Variants in H2BC13 observed in about 807,000 individuals in gnomAD.
The protein encoded by H2BC13 is H2B clustered histone 13, also known as histone H2B type 1-L.
A neutral mutation model predicts 6.3 loss-of-function variants in H2BC13; 12 were observed. The ratio of observed to expected loss-of-function variants is 1.90; its 90% CI spans 1.22 to 3.08. H2BC13 has a LOEUF of 3.08. Among genes scored for constraint, H2BC13 ranks in the 30% most tolerant of loss-of-function variants. The pLI is 0.00. For missense variants in H2BC13, 164 were observed against 170.4 expected, an observed-to-expected ratio of 0.96 and a Z score of 0.21; for synonymous variants, 109 against 74.3, an observed-to-expected ratio of 1.47 and a Z score of -2.40.
In H2BC13 at chr6:27,807,485, G is replaced by A. The variant is rs755393744; in HGVS notation, c.*41C>T. The A allele has an allele frequency of 6.2e-7, 1 of 1,608,350 alleles. No individual in the cohort carries two copies. Among genetic ancestry groups the A allele is most frequent in the Non-Finnish European group, 8.5e-7 (1 of 1,177,616 alleles). ...GCTCTTCTTTAGATAATAGTGAGTG[G>A]CTCTGAAAAGAGCCTTTGGGTTGGA... On this transcript the variant is annotated 3_prime_UTR_variant, in exon 1 of 1. Coordinates refer to ENST00000377401, the MANE Select transcript of H2BC13 (RefSeq NM_003519.4).
Position 27,807,662 on chromosome 6 carries a change from G to T in H2BC13, c.245C>A (p.Ala82Glu). The change falls in exon 1 of 1, where the codon GCG becomes GAG. Residue 82 changes from alanine to glutamate, a missense_variant. Physicochemically the swap from Ala to Glu is moderately radical, Grantham distance 107. Coordinates refer to ENST00000377401, the MANE Select transcript of H2BC13 (RefSeq NM_003519.4). ...ERIASEASRL[A>E]HYNKRSTITS... Reference sequence around the variant, plus strand: ...GATGGTCGAGCGCTTGTTGTAGTGCGCCAGGCGGGAAGCCTCGCTTGCGAT... The same window carrying T: ...GATGGTCGAGCGCTTGTTGTAGTGCTCCAGGCGGGAAGCCTCGCTTGCGAT... The T allele has an allele frequency of 1.9e-6, 3 of 1,614,264 alleles. No homozygotes were observed. Among genetic ancestry groups the T allele is most frequent in the African/African-American group, 1.3e-5 (1 of 75,066 alleles).
rs779644008 is a variant in H2BC13 at position 27,807,609 on chromosome 6, G to C, written c.298C>G (p.Arg100Gly). Reference protein sequence around the residue: ...ITSREIQTAVRLLLPGELAKH... With the variant: ...ITSREIQTAVGLLLPGELAKH... ...GCCAGCTCCCCCGGAAGCAGCAGGCGCACGGCGGTCTGGATCTCCCTGGAG... is the reference window on the plus strand; with the variant it reads ...GCCAGCTCCCCCGGAAGCAGCAGGCCCACGGCGGTCTGGATCTCCCTGGAG... Residue 100 changes from arginine (R) to glycine (G), a missense_variant, in exon 1 of 1, where the codon CGC (arginine) becomes GGC (glycine). Physicochemically the swap from Arg to Gly is moderately radical, Grantham distance 125 (BLOSUM62 -2). Transcript: ENST00000377401. 8.1e-6 allele frequency: 13 copies of C among 1,614,088 alleles called. No homozygotes were observed. The highest frequency in any genetic ancestry group is 1.3e-5 in the African/African-American group (1 of 74,914).
In H2BC13 at chr6:27,807,566, T is replaced by C; in HGVS notation, c.341A>G (p.Glu114Gly). 1 of 1,614,194 alleles carries C rather than the reference T, an allele frequency of 6.2e-7. No individual in the cohort carries two copies. The highest frequency in any genetic ancestry group is 8.5e-7 in the Non-Finnish European group (1 of 1,180,040). The change falls in exon 1 of 1, where the codon GAG becomes GGG. Residue 114 changes from glutamate (E) to glycine (G), a missense_variant. Coordinates refer to ENST00000377401, the MANE Select transcript of H2BC13 (RefSeq NM_003519.4). ...GTACTTGGTGACGGCCTTGGTGCCC[T>C]CCGACACCGCGTGCTTGGCCAGCTC... ...PGELAKHAVSEGTKAVTKYTS... is the reference protein window; with the variant it reads ...PGELAKHAVSGGTKAVTKYTS...
In H2BC13 at chr6:27,807,847, G is replaced by A. The variant is rs1019412235; in HGVS notation, c.60C>T (p.Thr20=). Reference sequence around the variant, plus strand: ...TCTTGCCATCCTTCTTCTGGGCCTTGGTCACCGCCTTCTTGGAGCCCTTCT... The same window carrying A: ...TCTTGCCATCCTTCTTCTGGGCCTTAGTCACCGCCTTCTTGGAGCCCTTCT... ...APKKGSKKAV[T]KAQKKDGKKR... is the part of the protein sequence containing the mutation. The change falls in exon 1 of 1, where the codon ACC becomes ACT. Residue 20 remains threonine, a synonymous_variant. Transcript: ENST00000377401. 3.1e-6 allele frequency: 5 copies of A among 1,614,168 alleles called. No individual in the cohort carries two copies. The highest frequency in any genetic ancestry group is 1.3e-5 in the African/African-American group (1 of 75,054).
At position 27,807,769 on chromosome 6, in the gene H2BC13, C is replaced by G; in HGVS notation, c.138G>C (p.Leu46=). 1.2e-6 allele frequency: 2 copies of G among 1,614,232 alleles called. No homozygotes were observed. Among genetic ancestry groups the G allele is most frequent in the Non-Finnish European group, 1.7e-6 (2 of 1,180,050 alleles). The part of the protein sequence containing the change: ...ESYSVYVYKV[L]KQVHPDTGIS... ...TGCCGGTGTCGGGGTGGACCTGCTT[C>G]AGCACCTTGTACACGTACACGGAGT... The change falls in exon 1 of 1, where the codon CTG becomes CTC. Residue 46 remains leucine (L), a synonymous_variant. Coordinates refer to ENST00000377401, the MANE Select transcript of H2BC13 (RefSeq NM_003519.4).
At position 27,807,858 on chromosome 6, in the gene H2BC13, T is replaced by A; in HGVS notation, c.49A>T (p.Lys17Ter). ...TTCTTCTGGGCCTTGGTCACCGCCT[T>A]CTTGGAGCCCTTCTTCGGGGCGGGA... ...SAPAPKKGSK[K>*]AVTKAQKKDG... The change falls in exon 1 of 1, where the codon AAG (lysine) becomes TAG (stop). Residue 17 changes from lysine (K) to a stop codon, truncating the protein, a stop_gained. Coordinates refer to ENST00000377401, the MANE Select transcript of H2BC13 (RefSeq NM_003519.4). LOFTEE classifies it high-confidence loss of function. 1.2e-6 allele frequency: 2 copies of A among 1,614,184 alleles called. No individual in the cohort carries two copies. The highest frequency in any genetic ancestry group is 1.7e-6 in the Non-Finnish European group (2 of 1,179,996).
rs1561922522 is a variant in H2BC13, at chr6:27,807,689, C to A, written c.218G>T (p.Arg73Leu). The change falls in exon 1 of 1, where the codon CGC becomes CTC. Residue 73 changes from arginine to leucine, a missense_variant. Coordinates refer to ENST00000377401, the MANE Select transcript of H2BC13 (RefSeq NM_003519.4). ...MNSFVNDIFE[R>L]IASEASRLAH... ...CAGGCGGGAAGCCTCGCTTGCGATG[C>A]GCTCGAAGATGTCGTTGACGAAGGA... The A allele has an allele frequency of 3.1e-6, 5 of 1,614,214 alleles. No homozygotes were observed. Among genetic ancestry groups the A allele is most frequent in the Non-Finnish European group, 4.2e-6 (5 of 1,180,040 alleles).
chr6:27,807,538 G>C lies in H2BC13; in HGVS notation c.369C>G (p.Thr123=). 6.2e-7 allele frequency: 1 copy of C among 1,614,152 alleles called. No individual in the cohort carries two copies. The highest frequency in any genetic ancestry group is 8.5e-7 in the Non-Finnish European group (1 of 1,180,004). The stretch of plus-strand genomic sequence containing the variant: ...AGAGCTTGAGAATTTACTTGGAGCT[G>C]GTGTACTTGGTGACGGCCTTGGTGC... The part of the protein sequence containing the change: ...SEGTKAVTKY[T]SSK Residue 123 remains threonine, a synonymous_variant, in exon 1 of 1, where the codon ACC becomes ACG. Transcript: ENST00000377401.
rs1360286782 is a variant in H2BC13 at position 27,807,885 on chromosome 6, C to G, written c.22G>C (p.Ala8Pro). ...TTGGAGCCCTTCTTCGGGGCGGGAG[C>G]AGACTTGGCCAGCTCGGGCATAATG... is the stretch of plus-strand genomic sequence containing the variant. MPELAKS[A>P]PAPKKGSKKA... Residue 8 changes from alanine (A) to proline (P), a missense_variant, in exon 1 of 1, where the codon GCT (alanine) becomes CCT (proline). By Grantham distance (27) the Ala-to-Pro change is conservative. Transcript: ENST00000377401. The G allele has an allele frequency of 2.5e-6, 4 of 1,614,224 alleles. No homozygotes were observed. In the Admixed American group the frequency reaches 6.7e-5, roughly 27 times the overall value.
In H2BC13 at chr6:27,807,482, G is replaced by A. The variant is rs750552388; in HGVS notation, c.*44C>T. 6.9e-6 allele frequency: 11 copies of A among 1,604,912 alleles called. No individual in the cohort carries two copies. Among genetic ancestry groups the A allele is most frequent in the Non-Finnish European group, 9.4e-6 (11 of 1,176,158 alleles). ...CCAGCTCTTCTTTAGATAATAGTGA[G>A]TGGCTCTGAAAAGAGCCTTTGGGTT... On this transcript the variant is annotated 3_prime_UTR_variant, in exon 1 of 1. Transcript: ENST00000377401.
chr6:27,807,790 G>T lies in H2BC13; in HGVS notation c.117C>A (p.Ser39=), dbSNP rs779323148. The part of the protein sequence containing the change: ...KRKRSRKESY[S]VYVYKVLKQV... ...GCTTCAGCACCTTGTACACGTACAC[G>T]GAGTAGCTCTCCTTGCGGCTGCGCT... Residue 39 remains serine (S), a synonymous_variant, in exon 1 of 1, where the codon TCC becomes TCA. Transcript: ENST00000377401. 4.3e-6 allele frequency: 7 copies of T among 1,614,108 alleles called. No individual in the cohort carries two copies. Among genetic ancestry groups the T allele is most frequent in the African/African-American group, 1.3e-5 (1 of 74,946 alleles).
Position 27,807,671 on chromosome 6 carries a change from G to A in H2BC13, c.236C>T (p.Ser79Phe), listed in dbSNP as rs1414565239. 6.2e-7 allele frequency: 1 copy of A among 1,614,132 alleles called. No individual in the cohort carries two copies. Among genetic ancestry groups the A allele is most frequent in the Non-Finnish European group, 8.5e-7 (1 of 1,180,050 alleles). Residue 79 changes from serine to phenylalanine, a missense_variant, in exon 1 of 1, where the codon TCC becomes TTC. Coordinates refer to ENST00000377401, the MANE Select transcript of H2BC13 (RefSeq NM_003519.4). ...GCGCTTGTTGTAGTGCGCCAGGCGGGAAGCCTCGCTTGCGATGCGCTCGAA... is the reference window on the plus strand; with the variant it reads ...GCGCTTGTTGTAGTGCGCCAGGCGGAAAGCCTCGCTTGCGATGCGCTCGAA... ...DIFERIASEA[S>F]RLAHYNKRST...
rs775661236 is a variant in H2BC13 at position 27,807,710 on chromosome 6, A to C, written c.197T>G (p.Phe66Cys). ...GATGCGCTCGAAGATGTCGTTGACG[A>C]AGGAGTTCATGATTCCCATGGCCTT... ...SSKAMGIMNS[F>C]VNDIFERIAS... Residue 66 changes from phenylalanine (F) to cysteine (C), a missense_variant, in exon 1 of 1, where the codon TTC (phenylalanine) becomes TGC (cysteine). Transcript: ENST00000377401. 1 of 1,614,222 alleles carries C rather than the reference A, an allele frequency of 6.2e-7. No individual in the cohort carries two copies. The highest frequency in any genetic ancestry group is 1.7e-5 in the Admixed American group (1 of 60,032).
rs1290916133 is a variant in H2BC13 at position 27,807,876 on chromosome 6, G to A, written c.31C>T (p.Pro11Ser). 2.5e-6 allele frequency: 4 copies of A among 1,614,166 alleles called. No individual in the cohort carries two copies. The highest frequency in any genetic ancestry group is 1.3e-5 in the African/African-American group (1 of 75,034). The change falls in exon 1 of 1, where the codon CCG (proline) becomes TCG (serine). Residue 11 changes from proline (P) to serine (S), a missense_variant. Coordinates refer to ENST00000377401, the MANE Select transcript of H2BC13 (RefSeq NM_003519.4). The part of the protein sequence containing the change: MPELAKSAPA[P>S]KKGSKKAVTK... ...ACCGCCTTCTTGGAGCCCTTCTTCG[G>A]GGCGGGAGCAGACTTGGCCAGCTCG... is the stretch of plus-strand genomic sequence containing the variant.
Position 27,807,810 on chromosome 6 carries a change from T to C in H2BC13, c.97A>G (p.Ser33Gly), listed in dbSNP as rs752263384. Residue 33 changes from serine (S) to glycine (G), a missense_variant, in exon 1 of 1, where the codon AGC becomes GGC. Ser to Gly is a moderately conservative substitution (Grantham distance 56). Coordinates refer to ENST00000377401, the MANE Select transcript of H2BC13 (RefSeq NM_003519.4). ...TACACGGAGTAGCTCTCCTTGCGGC[T>C]GCGCTTGCGCTTCTTGCCATCCTTC... ...QKKDGKKRKR[S>G]RKESYSVYVY... The C allele has an allele frequency of 1.2e-6, 2 of 1,614,264 alleles. No homozygotes were observed. The highest frequency in any genetic ancestry group is 8.5e-7 in the Non-Finnish European group (1 of 1,180,050).
At position 27,807,835 on chromosome 6, in the gene H2BC13, C is replaced by T. The variant is rs1291616156; in HGVS notation, c.72G>A (p.Lys24=). The change falls in exon 1 of 1, where the codon AAG becomes AAA. Residue 24 remains lysine, a synonymous_variant. Coordinates refer to ENST00000377401, the MANE Select transcript of H2BC13 (RefSeq NM_003519.4). ...GSKKAVTKAQ[K]KDGKKRKRSR... ...TGCGCTTGCGCTTCTTGCCATCCTT[C>T]TTCTGGGCCTTGGTCACCGCCTTCT... The T allele has an allele frequency of 1.1e-5, 18 of 1,614,206 alleles. No homozygotes were observed. In the East Asian group the frequency reaches 3.6e-4, roughly 32 times the overall value.
Position 27,807,805 on chromosome 6 carries a change from G to C in H2BC13, c.102C>G (p.Arg34=), listed in dbSNP as rs759193418. The C allele has an allele frequency of 2.5e-6, 4 of 1,614,240 alleles. No homozygotes were observed. Among genetic ancestry groups the C allele is most frequent in the Non-Finnish European group, 3.4e-6 (4 of 1,180,050 alleles). The change falls in exon 1 of 1, where the codon CGC becomes CGG. Residue 34 remains arginine (R), a synonymous_variant. Transcript: ENST00000377401. ...KKDGKKRKRS[R]KESYSVYVYK... ...ACACGTACACGGAGTAGCTCTCCTTGCGGCTGCGCTTGCGCTTCTTGCCAT... is the reference window on the plus strand; with the variant it reads ...ACACGTACACGGAGTAGCTCTCCTTCCGGCTGCGCTTGCGCTTCTTGCCAT...
Position 27,807,509 on chromosome 6 carries a change from G to A in H2BC13, c.*17C>T. The A allele has an allele frequency of 1.2e-6, 2 of 1,613,592 alleles. No homozygotes were observed. Among genetic ancestry groups the A allele is most frequent in the Non-Finnish European group, 1.7e-6 (2 of 1,179,716 alleles). On this transcript the variant is annotated 3_prime_UTR_variant, in exon 1 of 1. Coordinates refer to ENST00000377401, the MANE Select transcript of H2BC13 (RefSeq NM_003519.4). Reference sequence around the variant, plus strand: ...GGCTCTGAAAAGAGCCTTTGGGTTGGACAAGAGCTTGAGAATTTACTTGGA... The same window carrying A: ...GGCTCTGAAAAGAGCCTTTGGGTTGAACAAGAGCTTGAGAATTTACTTGGA...
In H2BC13 at chr6:27,807,745, G is replaced by A. The variant is rs764759987; in HGVS notation, c.162C>T (p.Gly54=). The A allele has an allele frequency of 1.6e-5, 26 of 1,614,118 alleles. No homozygotes were observed. Among genetic ancestry groups the A allele is most frequent in the Non-Finnish European group, 2.1e-5 (25 of 1,180,056 alleles). The change falls in exon 1 of 1, where the codon GGC becomes GGT. Residue 54 remains glycine, a synonymous_variant. Transcript: ENST00000377401. ...TGATTCCCATGGCCTTAGAAGAGAT[G>A]CCGGTGTCGGGGTGGACCTGCTTCA... ...KVLKQVHPDT[G]ISSKAMGIMN... is the part of the protein sequence containing the mutation.
Sources: allele counts gnomAD v4.1 joint callset, GRCh38; gene constraint gnomAD v4.1.1; transcripts MANE v1.5; gene names NCBI Gene and HGNC (gene_info 2026-07-23, HGNC 2026-07-21).